Variants in PLEKHA5 observed in about 807,000 individuals in gnomAD.
PLEKHA5 encodes the protein pleckstrin homology domain containing A5, also known as pleckstrin homology domain-containing family A member 5.
PLEKHA5 carries 55 observed loss-of-function variants against 181.9 expected under a neutral mutation model. That is an observed-to-expected ratio of 0.30 (90% CI 0.24 to 0.38). The LOEUF is 0.38. PLEKHA5 is among the 10% of genes least tolerant of loss of function. The pLI is 1.00. For synonymous variants in PLEKHA5, 535 were observed against 529.4 expected, an observed-to-expected ratio of 1.01 and a Z score of -0.15; for missense variants, 1,432 against 1,549.5, an observed-to-expected ratio of 0.92 and a Z score of 1.27.
chr12:19,328,316 T>C (rs2092458491), intron 20 of PLEKHA5, among the ~76,000 whole-genome samples: 1 of 152,192 alleles, frequency 6.6e-6, no homozygotes, highest in African/African-American at 2.4e-5. Flanking sequence ...GGACTCTTGG[T>C]TCAATATGAA....
In PLEKHA5 at chr12:19,173,005, CTTTTTTTTTTTTTT is replaced by C. The variant is rs71064064; in HGVS notation, c.227+40571_227+40584del. ...AGAAAATTGCTACTGATTTCCCTTTCTTTTTTTTTTTTTTTTTTTTTTTTTTTTTGAGACGGAGT... is the reference window on the plus strand; with the variant it reads ...AGAAAATTGCTACTGATTTCCCTTTCTTTTTTTTTTTTTTTGAGACGGAGT... On this transcript the variant is annotated intron_variant, in intron 3 of 31. Transcript: ENST00000429027. 9.8e-3 allele frequency among the ~76,000 whole-genome samples: 328 copies of C among 33,560 alleles called. 4 individuals are homozygous for C. The highest frequency in any genetic ancestry group is 0.031 in the African/African-American group (292 of 9,474). The allele number at this position is 33,560 out of a possible 152,430, so 22.0% of individuals were successfully genotyped here.
intron 3 of PLEKHA5, among the ~76,000 whole-genome samples, chr12:19,249,182 T>G (rs749725368): frequency 6.6e-6 from 1 of 152,008 alleles, no homozygotes; most frequent in African/African-American, 2.4e-5. Context: ...TTTAAAAAAT[T>G]AGGCACAGTA....
chr12:19,292,050 G>C (rs1017883611), intron 15 of PLEKHA5, among the ~76,000 whole-genome samples: 1 of 152,208 alleles, frequency 6.6e-6, no homozygotes, highest in African/African-American at 2.4e-5. Context: ...GAATTGTCTT[G>C]TTGGAAGGCA....
intron 16 of PLEKHA5, among the ~76,000 whole-genome samples, chr12:19,315,463 T>C (rs2088267102): frequency 6.6e-6 from 1 of 152,176 alleles, no homozygotes; most frequent in African/African-American, 2.4e-5. Flanking sequence ...CTATCATAAG[T>C]TACCCTATTG....
Position 19,366,028 on chromosome 12 carries a change from A to G in PLEKHA5, c.3673A>G (p.Asn1225Asp). 6.2e-7 allele frequency: 1 copy of G among 1,612,162 alleles called. No homozygotes were observed. Among genetic ancestry groups the G allele is most frequent in the Non-Finnish European group, 8.5e-7 (1 of 1,178,594 alleles). The change falls in exon 30 of 32, where the codon AAC becomes GAC. Residue 1225 changes from asparagine (N) to aspartate (D), a missense_variant. Coordinates refer to ENST00000429027, the MANE Select transcript of PLEKHA5 (RefSeq NM_001256470.2). ...AGAGCATCCTGAAGAAAATACAAAGAACAGTGTTGACGAACAGGAAGAAAC... is the reference window on the plus strand; with the variant it reads ...AGAGCATCCTGAAGAAAATACAAAGGACAGTGTTGACGAACAGGAAGAAAC... ...PEEHPEENTK[N>D]SVDEQEETVI... is the part of the protein sequence containing the mutation.
chr12:19,245,695 A>G (rs1198497947), intron 3 of PLEKHA5, among the ~76,000 whole-genome samples: 1 of 130,380 alleles, frequency 7.7e-6, no homozygotes, highest in East Asian at 2.5e-4. Flanking sequence ...CCATTGCACT[A>G]CTGCCTGGGG....
chr12:19,213,347 A>G (rs1191110147), intron 3 of PLEKHA5, among the ~76,000 whole-genome samples: 2 of 152,092 alleles, frequency 1.3e-5, no homozygotes, highest in African/African-American at 4.8e-5. Context: ...GATGTGTGGC[A>G]CTCTAGACAA....
Position 19,343,537 on chromosome 12 carries a change from T to C in PLEKHA5, c.2662+103T>C, listed in dbSNP as rs2094097494. On this transcript the variant is annotated intron_variant, in intron 22 of 31. Transcript: ENST00000429027. ...TGAGAAATGCATTGTTAGGTGATTG[T>C]GTTGTACAATCAGAGTGTACTTAAA... The C allele has an allele frequency of 5.5e-6, 4 of 724,194 alleles. No individual in the cohort carries two copies. The Admixed American group carries it at 8.5e-5, about 15-fold the overall frequency. The allele number at this position is 724,194 out of a possible 1,614,324, so 44.9% of individuals were successfully genotyped here.
At chr12:19,348,582 A>C in intron 25 of PLEKHA5, 63 bp downstream of exon 25, 3 of 1,268,242 alleles carry the variant, frequency 2.4e-6, no homozygotes, top group Non-Finnish European at 3.2e-6. Context: ...TACTGCCAAA[A>C]TAGTAGTAAA....
intron 3 of PLEKHA5, among the ~76,000 whole-genome samples, chr12:19,195,263 T>C (rs2052367796): frequency 6.6e-6 from 1 of 152,172 alleles, no homozygotes; most frequent in Non-Finnish European, 1.5e-5. Flanking sequence ...TCCCTTTTTA[T>C]TTCCTTTCCC....
intron 15 of PLEKHA5, among the ~76,000 whole-genome samples, chr12:19,294,762 A>C (rs1485888386): frequency 6.6e-6 from 1 of 152,198 alleles, no homozygotes; most frequent in African/African-American, 2.4e-5. Flanking sequence ...GTTTAATAAC[A>C]AATAAAAAAT....
chr12:19,217,418 A>G (rs779156635), intron 3 of PLEKHA5, among the ~76,000 whole-genome samples: 1 of 152,190 alleles, frequency 6.6e-6, no homozygotes, highest in Non-Finnish European at 1.5e-5. Context: ...GATATATGTG[A>G]TAGGAGCTTG....
At chr12:19,260,474 C>T (rs1437234791) in intron 6 of PLEKHA5, among the ~76,000 whole-genome samples, 4 of 152,074 alleles carry the variant, frequency 2.6e-5, no homozygotes, top group African/African-American at 9.7e-5. Flanking sequence ...ATATCTAAGG[C>T]CCTAGAAAAC....
chr12:19,250,412 C>G (rs1278722091), intron 3 of PLEKHA5, among the ~76,000 whole-genome samples: 2 of 152,006 alleles, frequency 1.3e-5, no homozygotes, highest in East Asian at 1.9e-4. Context: ...TGGTGAAACC[C>G]CTCTCTACTA....
At chr12:19,359,314 T>A in intron 27 of PLEKHA5, 98 bp from the exon 28 acceptor site, 1 of 1,047,690 alleles carries the variant, frequency 9.5e-7, no homozygotes, top group South Asian at 1.9e-5. Flanking sequence ...TGAGTGGAGA[T>A]CCAGCTTTGT....
At chr12:19,321,334 C>CCTTTT (rs936006355) in intron 18 of PLEKHA5, among the ~76,000 whole-genome samples, 22 of 104,972 alleles carry the variant, frequency 2.1e-4, no homozygotes, top group East Asian at 1.3e-3. Flanking sequence ...CATTATACCC[C>CCTTTT]CTTTTCTTTT....
In PLEKHA5 at chr12:19,130,188, C is replaced by A; in HGVS notation, c.169+58C>A. On this transcript the variant is annotated intron_variant, in intron 2 of 31. Coordinates refer to ENST00000429027, the MANE Select transcript of PLEKHA5 (RefSeq NM_001256470.2). This position sits in a 1 kb window ranked among gnomAD's most constrained non-coding sequence, Gnocchi z 4.5. ...CCTGGAGGAGGCGGCAGAGCCCGGG[C>A]CGCCCGGCTCCCCGCAACCTGCCCC... The A allele has an allele frequency of 8.5e-7, 1 of 1,176,762 alleles. No individual in the cohort carries two copies. Among genetic ancestry groups the A allele is most frequent in the Non-Finnish European group, 1.2e-6 (1 of 860,456 alleles). The allele number at this position is 1,176,762 out of a possible 1,614,324, so 72.9% of individuals were successfully genotyped here. A position where few individuals can be genotyped will look rare whatever the true frequency, so the allele number is the denominator to read the frequency against.
At chr12:19,342,755 C>T (rs549303431) in intron 21 of PLEKHA5, among the ~76,000 whole-genome samples, 3 of 151,730 alleles carry the variant, frequency 2.0e-5, no homozygotes, top group East Asian at 3.9e-4. Flanking sequence ...CCAGCCTGGG[C>T]GACAGAGCAA....
intron 14 of PLEKHA5, 103 bp downstream of exon 14, chr12:19,290,899 A>G (rs2078269739): frequency 4.0e-6 from 4 of 992,018 alleles, no homozygotes; most frequent in Admixed American, 5.9e-5. Flanking sequence ...GCATGAGCCC[A>G]TACCATCATT....
Sources: gnomAD v4.1 joint callset for allele counts (sites outside exome capture counted in the v4.1 genomes callset) on GRCh38, gnomAD v4.1.1 for gene constraint, Gnocchi (gnomAD v3.1) non-coding constraint, MANE v1.5 for transcripts, NCBI Gene and HGNC (gene_info 2026-07-23, HGNC 2026-07-21) for gene names.